The following RUNX1 variants were observed in gnomAD, a reference collection of about 807,000 sequenced individuals.
RUNX1 encodes the protein runt-related transcription factor 1.
A neutral mutation model predicts 42.8 loss-of-function variants in RUNX1; 19 were observed. The observed-to-expected ratio is 0.44, with a 90% CI of 0.31 to 0.65. RUNX1 has a LOEUF of 0.65. Among genes scored for constraint, RUNX1 ranks in the 30% least tolerant of loss-of-function variants. RUNX1 has a pLI of 0.07. For synonymous variants in RUNX1, 271 were observed against 289.4 expected, an observed-to-expected ratio of 0.94 and a Z score of 0.64; for missense variants, 528 against 672.0, an observed-to-expected ratio of 0.79 and a Z score of 2.37.
At chr21:34,867,885 G>A (rs1317592179) in intron 5 of RUNX1, among the ~76,000 whole-genome samples, 2 of 152,160 alleles carry the variant, frequency 1.3e-5, no homozygotes, top group Non-Finnish European at 2.9e-5. Context: ...CCATCAGGCT[G>A]TGTGTTTGGG....
At chr21:34,821,448 A>C in intron 7 of RUNX1, 1 of 1,363,502 alleles carries the variant, frequency 7.3e-7, no homozygotes, top group South Asian at 1.9e-5. Context: ...AACTCATTTA[A>C]TCCTCACAAT....
In RUNX1 at chr21:35,039,074, C is replaced by A. The variant is rs946407257; in HGVS notation, c.58+9768G>T. Reference sequence around the variant, plus strand: ...CTGCATTTCTAACACAGCCTAAGGACGTTCTTAAGGACTCAGGGATTCATA... The same window carrying A: ...CTGCATTTCTAACACAGCCTAAGGAAGTTCTTAAGGACTCAGGGATTCATA... On this transcript the variant is annotated intron_variant, in intron 2 of 8. Transcript: ENST00000675419. Among the ~76,000 whole-genome samples, 6 of 152,260 alleles carry A rather than the reference C, an allele frequency of 3.9e-5. No individual in the cohort carries two copies. In the East Asian group the frequency reaches 1.2e-3, roughly 29 times the overall value.
intron 2 of RUNX1, among the ~76,000 whole-genome samples, chr21:34,951,588 C>T (rs1017730228): frequency 3.5e-4 from 53 of 150,372 alleles, no homozygotes; most frequent in African/African-American, 1.2e-3. Flanking sequence ...CAGACACTTC[C>T]CAAAAGAAAT....
chr21:34,856,322 G>A (rs1481851542), intron 6 of RUNX1: 1 of 518,164 alleles, frequency 1.9e-6, no homozygotes, highest in South Asian at 1.4e-5. Flanking sequence ...CTCCACACCT[G>A]CAATGAGGCA....
chr21:34,999,239 G>A (rs2059021782), intron 2 of RUNX1, among the ~76,000 whole-genome samples: 1 of 152,222 alleles, frequency 6.6e-6, no homozygotes, highest in Admixed American at 6.5e-5. Flanking sequence ...CTCTGGTGGT[G>A]ATGGGAGGCC....
At chr21:34,923,146 G>A (rs1451657223) in intron 2 of RUNX1, among the ~76,000 whole-genome samples, 1 of 152,174 alleles carries the variant, frequency 6.6e-6, no homozygotes, top group Admixed American at 6.5e-5. Context: ...GATTACCTCT[G>A]TTATGGTATG....
At chr21:34,892,846 G>T in intron 3 of RUNX1, 79 bp downstream of exon 3, 3 of 838,116 alleles carry the variant, frequency 3.6e-6, no homozygotes, top group East Asian at 2.5e-5. Context: ...TATACATAGA[G>T]ATACATAGAT....
intron 2 of RUNX1, among the ~76,000 whole-genome samples, chr21:34,916,591 G>A (rs191223369): frequency 2.0e-5 from 3 of 152,280 alleles, no homozygotes; most frequent in East Asian, 1.9e-4. Flanking sequence ...AGGGAGGCTC[G>A]GAGGAGGAGA....
At chr21:34,849,323 T>TTATATATACTA (rs2057368366) in intron 6 of RUNX1, among the ~76,000 whole-genome samples, 1 of 33,128 alleles carries the variant, frequency 3.0e-5, no homozygotes, top group Non-Finnish European at 5.9e-5. Flanking sequence ...TATATATATA[T>TTATATATACTA]TATATATACT....
chr21:34,817,758 G>A (rs1278997286), intron 7 of RUNX1, among the ~76,000 whole-genome samples: 2 of 152,120 alleles, frequency 1.3e-5, no homozygotes, highest in Admixed American at 6.5e-5. Flanking sequence ...GGGCCTCCAC[G>A]TCGTGTGGTC....
rs368111733 is a variant in RUNX1 at position 34,999,235 on chromosome 21, T to C, written c.58+49607A>G. 2.6e-5 allele frequency among the ~76,000 whole-genome samples: 4 copies of C among 152,164 alleles called. No homozygotes were observed. In the South Asian group the frequency reaches 8.3e-4, roughly 31 times the overall value. Reference sequence around the variant, plus strand: ...GGTTCCTGAAATGAAATGACTCTGGTGGTGATGGGAGGCCGTGGCTCCAGG... The same window carrying C: ...GGTTCCTGAAATGAAATGACTCTGGCGGTGATGGGAGGCCGTGGCTCCAGG... On this transcript the variant is annotated intron_variant, in intron 2 of 8. Coordinates refer to ENST00000675419, the MANE Select transcript of RUNX1 (RefSeq NM_001754.5).
chr21:34,831,940 C>T (rs1010419788), intron 7 of RUNX1, among the ~76,000 whole-genome samples: 2 of 152,160 alleles, frequency 1.3e-5, no homozygotes, highest in African/African-American at 2.4e-5. Context: ...AGTTGTTTCA[C>T]ATGAAAATAT....
At chr21:34,888,473 C>A (rs1425382216) in intron 3 of RUNX1, 14 of 1,066,458 alleles carry the variant, frequency 1.3e-5, no homozygotes, top group Non-Finnish European at 1.5e-5. Context: ...AGCCAAGAAG[C>A]CAGTTAATTC....
intron 3 of RUNX1, chr21:34,888,821 C>T: frequency 2.5e-6 from 1 of 403,028 alleles, no homozygotes; most frequent in Non-Finnish European, 3.4e-6. Context: ...CAGGGCGCGG[C>T]TCGCCGCCGC....
At chr21:34,996,821 G>A (rs910767518) in intron 2 of RUNX1, among the ~76,000 whole-genome samples, 7 of 152,066 alleles carry the variant, frequency 4.6e-5, no homozygotes, top group Admixed American at 6.6e-5. Flanking sequence ...TACACTGTGA[G>A]GCCAAGATGT....
chr21:35,026,506 GTATT>G (rs1360806936), intron 2 of RUNX1, among the ~76,000 whole-genome samples: 1 of 152,096 alleles, frequency 6.6e-6, no homozygotes, highest in African/African-American at 2.4e-5. Context: ...TAGTCTTTCT[GTATT>G]TCTTTCTTTC....
intron 7 of RUNX1, among the ~76,000 whole-genome samples, chr21:34,818,822 G>A (rs1458177282): frequency 6.6e-6 from 1 of 152,224 alleles, no homozygotes; most frequent in East Asian, 1.9e-4. Flanking sequence ...ATATAAAGAT[G>A]AGAAACTGGG....
At chr21:34,937,147 T>C (rs988067970) in intron 2 of RUNX1, among the ~76,000 whole-genome samples, 1 of 152,126 alleles carries the variant, frequency 6.6e-6, no homozygotes, top group Admixed American at 6.6e-5. Context: ...AAAGCCTCAC[T>C]GAATCAAAGA....
chr21:34,985,301 T>C (rs1334179855), intron 2 of RUNX1, among the ~76,000 whole-genome samples: 5 of 151,992 alleles, frequency 3.3e-5, no homozygotes, highest in Admixed American at 2.6e-4. Flanking sequence ...CTCAATGGAG[T>C]GACCCAGTCT....
Sources: gnomAD v4.1 joint callset for allele counts (sites outside exome capture counted in the v4.1 genomes callset) on GRCh38, gnomAD v4.1.1 for gene constraint, MANE v1.5 for transcripts, NCBI Gene and HGNC (gene_info 2026-07-23, HGNC 2026-07-21) for gene names.